PLXDC1: variants seen among roughly 807,000 people sequenced by gnomAD.
PLXDC1 encodes the protein plexin domain-containing protein 1.
PLXDC1 carries 39 observed loss-of-function variants against 61.3 expected under a neutral mutation model. The ratio of observed to expected loss-of-function variants is 0.64; its 90% CI spans 0.49 to 0.83. PLXDC1 has a LOEUF of 0.83. PLXDC1 is among the 40% of genes least tolerant of loss of function. The pLI is 0.00. For synonymous variants in PLXDC1, 212 were observed against 254.5 expected (o/e 0.83, Z 1.59); for missense variants, 596 against 666.5 (o/e 0.89, Z 1.17).
chr17:39,092,885 T>TC (rs1910008521), intron 7 of PLXDC1, among the ~76,000 whole-genome samples: 1 of 152,086 alleles, frequency 6.6e-6, no homozygotes, highest in Non-Finnish European at 1.5e-5. Context: ...TGTAAATACT[T>TC]CCACGGTAGC....
At chr17:39,092,855 G>T (rs866241225) in intron 7 of PLXDC1, among the ~76,000 whole-genome samples, 8 of 152,150 alleles carry the variant, frequency 5.3e-5, no homozygotes, top group African/African-American at 1.9e-4. Context: ...CTGAATTGCC[G>T]TTGTTGCCAA....
chr17:39,113,677 C>CA (rs1174772026), intron 2 of PLXDC1, among the ~76,000 whole-genome samples: 2 of 151,922 alleles, frequency 1.3e-5, no homozygotes, highest in African/African-American at 4.8e-5. Context: ...CCTGTCTCTA[C>CA]AAAAAATACA....
intron 1 of PLXDC1, among the ~76,000 whole-genome samples, chr17:39,149,763 C>G (rs141323370): frequency 6.6e-6 from 1 of 152,276 alleles, no homozygotes; most frequent in South Asian, 2.1e-4. Context: ...CCCAATTCCC[C>G]CTTCCCCAGC....
chr17:39,147,147 AG>A (rs1478944671), intron 1 of PLXDC1, among the ~76,000 whole-genome samples: 1 of 151,896 alleles, frequency 6.6e-6, no homozygotes, highest in Non-Finnish European at 1.5e-5. Context: ...TAGTAGAGAC[AG>A]GGTTTCACCA....
intron 6 of PLXDC1, among the ~76,000 whole-genome samples, chr17:39,107,109 A>G (rs1005427243): frequency 6.6e-6 from 1 of 152,124 alleles, no homozygotes; most frequent in African/African-American, 2.4e-5. Flanking sequence ...TCTTTTCCTC[A>G]GCAAAGCCTC....
At position 39,125,631 on chromosome 17, in the gene PLXDC1, T is replaced by C. The variant is rs561351721; in HGVS notation, c.255+14023A>G. Among the ~76,000 whole-genome samples, 3 of 152,270 alleles carry C rather than the reference T, an allele frequency of 2.0e-5. No homozygotes were observed. The South Asian group carries it at 6.2e-4, about 32-fold the overall frequency. On this transcript the variant is annotated intron_variant, in intron 2 of 13. Coordinates refer to ENST00000315392, the MANE Select transcript of PLXDC1 (RefSeq NM_020405.5). ...CATGCTGGCCTATTTTCTTCTAGTG[T>C]TTTTTTATATGTATGTTAATTTCAC...
chr17:39,105,448 G>C (rs1339321626), intron 7 of PLXDC1, among the ~76,000 whole-genome samples: 1 of 152,152 alleles, frequency 6.6e-6, no homozygotes, highest in Non-Finnish European at 1.5e-5. Context: ...GGAGGTAACA[G>C]CATGGCCGAG....
intron 2 of PLXDC1, among the ~76,000 whole-genome samples, chr17:39,136,614 A>G (rs1309391577): frequency 1.3e-5 from 2 of 152,158 alleles, no homozygotes; most frequent in Non-Finnish European, 2.9e-5. Flanking sequence ...AGATACAAGG[A>G]AAAAAACAGT....
intron 1 of PLXDC1, among the ~76,000 whole-genome samples, chr17:39,145,712 T>G (rs1374309674): frequency 1.3e-5 from 2 of 152,084 alleles, no homozygotes; most frequent in African/African-American, 4.8e-5. Context: ...GAAACACCCT[T>G]CCCTTGGAAC....
At position 39,151,086 on chromosome 17, in the gene PLXDC1, C is replaced by T. The variant is rs1417221083; in HGVS notation, c.76+276G>A. Among the ~76,000 whole-genome samples, 1 of 152,150 alleles carries T rather than the reference C, an allele frequency of 6.6e-6. No homozygotes were observed. Among genetic ancestry groups the T allele is most frequent in the East Asian group, 1.9e-4 (1 of 5,186 alleles). On this transcript the variant is annotated intron_variant, in intron 1 of 13. Coordinates refer to ENST00000315392, the MANE Select transcript of PLXDC1 (RefSeq NM_020405.5). The surrounding 1 kb of genome is among the most constrained non-coding windows in gnomAD (Gnocchi z 5.2). ...GCTGTCCCCTTTCAGAGCCCATGGC[C>T]ACATAGAGCCCCCTCTCCTAAGGTC...
chr17:39,103,796 A>G (rs1057433550), intron 7 of PLXDC1, among the ~76,000 whole-genome samples: 1 of 151,052 alleles, frequency 6.6e-6, no homozygotes, highest in East Asian at 1.9e-4. Context: ...CAGTGAGCCA[A>G]GATCGTGCCA....
Position 39,064,428 on chromosome 17 carries a change from G to C in PLXDC1, c.*3412C>G, listed in dbSNP as rs1384624397. The C allele has an allele frequency of 6.6e-6, 1 of 152,204 alleles. No homozygotes were observed. Among genetic ancestry groups the C allele is most frequent in the African/African-American group, 2.4e-5 (1 of 41,440 alleles). The allele number at this position is 152,204 out of a possible 1,614,324, so 9.4% of individuals were successfully genotyped here. On this transcript the variant is annotated 3_prime_UTR_variant, in exon 14 of 14. Transcript: ENST00000315392. ...CAGGGGGTTTAAATTATCAAATTTA[G>C]CTGGTTTGCAGGGGGAGTTCTTTCC...
At chr17:39,134,053 C>A (rs1455494122) in intron 2 of PLXDC1, among the ~76,000 whole-genome samples, 2 of 151,922 alleles carry the variant, frequency 1.3e-5, no homozygotes, top group Admixed American at 1.3e-4. Context: ...GTCAGGAGAT[C>A]AAGACCATCC....
At position 39,140,317 on chromosome 17, in the gene PLXDC1, T is replaced by TTTTTCTTTTTCTTTTG. The variant is rs565376936; in HGVS notation, c.77-486_77-485insCAAAAGAAAAAGAAAA. 2.8e-3 allele frequency among the ~76,000 whole-genome samples: 336 copies of TTTTTCTTTTTCTTTTG among 122,148 alleles called. 7 individuals carry two copies. The East Asian group carries it at 0.047, about 17-fold the overall frequency. The allele number at this position is 122,148 out of a possible 152,430, so 80.1% of individuals were successfully genotyped here. Reference sequence around the variant, plus strand: ...GGCATTCAATTTCTTTTTCTTTTTCTTTTTTTGAAATGGAGTCTCGCTCTG... The same window carrying TTTTTCTTTTTCTTTTG: ...GGCATTCAATTTCTTTTTCTTTTTCTTTTTCTTTTTCTTTTGTTTTTTGAAATGGAGTCTCGCTCTG... On this transcript the variant is annotated intron_variant, in intron 1 of 13. Coordinates refer to ENST00000315392, the MANE Select transcript of PLXDC1 (RefSeq NM_020405.5).
rs76311015 is a variant in PLXDC1 at position 39,074,664 on chromosome 17, C to T, written c.1187-2179G>A. Among the ~76,000 whole-genome samples, 602 of 152,276 alleles carry T rather than the reference C, an allele frequency of 4.0e-3. 23 individuals carry two copies. In the East Asian group the frequency reaches 0.091, roughly 23 times the overall value. ...CAAGTGCTGTGCCCTGGGCTCCCCA[C>T]GCCACCACAGACCCCCTTCTAGCCT... On this transcript the variant is annotated intron_variant, in intron 11 of 13. Transcript: ENST00000315392.
In PLXDC1 at chr17:39,109,257, C is replaced by A; in HGVS notation, c.390G>T (p.Arg130=). The change falls in exon 3 of 14, where the codon CGG becomes CGT. Residue 130 remains arginine, a synonymous_variant. Transcript: ENST00000315392. ...KIHTILSNTH[R]QASRVVLSFD... ...CGACTGGGGCACTCACCGAAGCCTG[C>A]CGGTGGGTGTTGGAGAGTATTGTGT... The A allele has an allele frequency of 6.2e-7, 1 of 1,605,598 alleles. No individual in the cohort carries two copies. The highest frequency in any genetic ancestry group is 8.5e-7 in the Non-Finnish European group (1 of 1,174,846).
chr17:39,101,330 A>G (rs538770998), intron 7 of PLXDC1, among the ~76,000 whole-genome samples: 1 of 152,290 alleles, frequency 6.6e-6, no homozygotes, highest in African/African-American at 2.4e-5. Flanking sequence ...CTGCTGTCTG[A>G]CAGACACCCT....
At position 39,133,709 on chromosome 17, in the gene PLXDC1, C is replaced by T. The variant is rs79674749; in HGVS notation, c.255+5945G>A. On this transcript the variant is annotated intron_variant, in intron 2 of 13. Transcript: ENST00000315392. ...CCATGGCTCACTGCAGCCTCCAACA[C>T]CTGGGCTCACGCGATCCTACAGCCT... is the stretch of plus-strand genomic sequence containing the variant. Among the ~76,000 whole-genome samples, 8 of 152,152 alleles carry T rather than the reference C, an allele frequency of 5.3e-5. No individual in the cohort carries two copies. In the East Asian group the frequency reaches 1.5e-3, roughly 29 times the overall value.
At chr17:39,138,188 G>A (rs1911816835) in intron 2 of PLXDC1, among the ~76,000 whole-genome samples, 1 of 152,034 alleles carries the variant, frequency 6.6e-6, no homozygotes, top group African/African-American at 2.4e-5. Context: ...CACCCGTCTG[G>A]GCCTCCCAAA....
Sources: allele counts gnomAD v4.1 joint callset (sites outside exome capture counted in the v4.1 genomes callset), GRCh38; gene constraint gnomAD v4.1.1; non-coding constraint Gnocchi (gnomAD v3.1); transcripts MANE v1.5; gene names NCBI Gene and HGNC (gene_info 2026-07-23, HGNC 2026-07-21).